ZBTB41: variants seen among roughly 807,000 people sequenced by gnomAD.
ZBTB41 encodes zinc finger and BTB domain-containing protein 41.
A neutral mutation model predicts 87.6 loss-of-function variants in ZBTB41; 42 were observed. The ratio of observed to expected loss-of-function variants is 0.48; its 90% CI spans 0.37 to 0.62. ZBTB41 has a LOEUF of 0.62. Ranked by LOEUF, ZBTB41 falls within the 20% of genes least tolerant of loss-of-function variation. The pLI, the probability that ZBTB41 is intolerant of heterozygous loss-of-function variation, is 0.00. For missense variants in ZBTB41, 799 were observed against 1,078.9 expected, an observed-to-expected ratio of 0.74 and a Z score of 3.63; for synonymous variants, 364 against 364.0, an observed-to-expected ratio of 1.00 and a Z score of 0.00.
At position 197,185,176 on chromosome 1, in the gene ZBTB41, C is replaced by G. The variant is rs990396601; in HGVS notation, c.1546+3116G>C. On this transcript the variant is annotated intron_variant, in intron 5 of 10. Transcript: ENST00000367405. The stretch of plus-strand genomic sequence containing the variant: ...TTGTTTTGACCTATTGTACAGCATA[C>G]AGATTTTTTAAATATGTTTATTTTC... Among the ~76,000 whole-genome samples the G allele has an allele frequency of 3.3e-5, 5 of 152,254 alleles. No homozygotes were observed. In the East Asian group the frequency reaches 9.6e-4, roughly 29 times the overall value.
At position 197,155,283 on chromosome 1, in the gene ZBTB41, A is replaced by C. The variant is rs1215053588; in HGVS notation, c.*4076T>G. The stretch of plus-strand genomic sequence containing the variant: ...AATATTCACACTAACACTTAGTGCC[A>C]ATTTGCCTATATAAACATAAAGCAA... On this transcript the variant is annotated 3_prime_UTR_variant, in exon 11 of 11. Transcript: ENST00000367405. 1 of 152,264 alleles carries C rather than the reference A, an allele frequency of 6.6e-6. No individual in the cohort carries two copies. Among genetic ancestry groups the C allele is most frequent in the Non-Finnish European group, 1.5e-5 (1 of 67,834 alleles). 9.4% of individuals were successfully genotyped at this position (152,264 alleles called of 1,614,324 possible). A position where few individuals can be genotyped will look rare whatever the true frequency, so the allele number is the denominator to read the frequency against.
rs1177483219 is a variant in ZBTB41, at chr1:197,199,803, T to C, written c.671A>G (p.Asn224Ser). ...GGACCTATGGGTTTTAGCCAAATGA[T>C]TCTCTAAAGACTTTTTATAACAAAA... ...RHFCYKKSLE[N>S]HLAKTHRSLL... Residue 224 changes from asparagine to serine, a missense_variant, in exon 2 of 11, where the codon AAT (asparagine) becomes AGT (serine). Physicochemically the swap from Asn to Ser is conservative, Grantham distance 46. Transcript: ENST00000367405. 1 of 1,612,236 alleles carries C rather than the reference T, an allele frequency of 6.2e-7. No individual in the cohort carries two copies. The highest frequency in any genetic ancestry group is 8.5e-7 in the Non-Finnish European group (1 of 1,179,378).
intron 5 of ZBTB41, among the ~76,000 whole-genome samples, chr1:197,186,805 A>C (rs1306133795): frequency 6.6e-6 from 1 of 152,188 alleles, no homozygotes; most frequent in African/African-American, 2.4e-5. Context: ...TGGAGGTTGC[A>C]GTAAGCCAAG....
In ZBTB41 at chr1:197,197,228, G is replaced by C. The variant is rs185362260; in HGVS notation, c.1120+2126C>G. On this transcript the variant is annotated intron_variant, in intron 2 of 10. Coordinates refer to ENST00000367405, the MANE Select transcript of ZBTB41 (RefSeq NM_194314.3). ...TTATGAGGAAACAAAAACACAGACA[G>C]GTTAAGTAACTCACCCAAGAACAGG... Among the ~76,000 whole-genome samples the C allele has an allele frequency of 3.3e-5, 5 of 151,972 alleles. No individual in the cohort carries two copies. In the East Asian group the frequency reaches 9.7e-4, roughly 30 times the overall value.
At chr1:197,199,308 A>G in intron 2 of ZBTB41, 46 bp downstream of exon 2, 1 of 1,448,898 alleles carries the variant, frequency 6.9e-7, no homozygotes, top group Non-Finnish European at 9.1e-7. Flanking sequence ...AAAATATCCA[A>G]GAAAAGTAAG....
chr1:197,170,083 T>G (rs1469094120), intron 10 of ZBTB41, among the ~76,000 whole-genome samples: 1 of 151,954 alleles, frequency 6.6e-6, no homozygotes, highest in Non-Finnish European at 1.5e-5. Flanking sequence ...TTTGAAGCAA[T>G]TAGGTGTACT....
intron 10 of ZBTB41, among the ~76,000 whole-genome samples, chr1:197,170,839 C>A (rs1659461378): frequency 6.6e-6 from 1 of 152,158 alleles, no homozygotes; most frequent in Admixed American, 6.6e-5. Context: ...TACTATCTAG[C>A]CCTCAACAAG....
At chr1:197,197,436 T>C (rs16841212) in intron 2 of ZBTB41, among the ~76,000 whole-genome samples, 11,829 of 151,560 alleles carry the variant, frequency 0.078, 1,533 homozygotes, top group African/African-American at 0.27. Flanking sequence ...AGTGACATAA[T>C]GTAAAATACA....
intron 10 of ZBTB41, among the ~76,000 whole-genome samples, chr1:197,169,573 G>C (rs1416683287): frequency 6.6e-6 from 1 of 151,988 alleles, no homozygotes; most frequent in Admixed American, 6.6e-5. Context: ...ACTGGGAGGA[G>C]CCATAGAGAA....
chr1:197,180,636 T>C (rs954217642), intron 6 of ZBTB41, among the ~76,000 whole-genome samples: 2 of 152,140 alleles, frequency 1.3e-5, no homozygotes, highest in African/African-American at 2.4e-5. Flanking sequence ...TTTGCCTTGA[T>C]CCATCTGTTT....
chr1:197,199,706 A>G lies in ZBTB41; in HGVS notation c.768T>C (p.Asn256=). The G allele has an allele frequency of 1.2e-6, 2 of 1,613,530 alleles. No homozygotes were observed. Among genetic ancestry groups the G allele is most frequent in the Non-Finnish European group, 1.7e-6 (2 of 1,179,900 alleles). The change falls in exon 2 of 11, where the codon AAT becomes AAC. Residue 256 remains asparagine (N), a synonymous_variant. Transcript: ENST00000367405. ...RSFSARRSKR[N]RKCPVKFDDT... ...CATCAAACTTAACAGGGCACTTCCG[A>G]TTCCTTTTTGATCTTCTTGCGGAGA...
intron 10 of ZBTB41, among the ~76,000 whole-genome samples, chr1:197,169,126 G>A (rs1659417601): frequency 1.3e-5 from 2 of 152,002 alleles, no homozygotes; most frequent in South Asian, 4.1e-4. Flanking sequence ...TGTGGCTGCT[G>A]GTGGTGTAAA....
intron 5 of ZBTB41, among the ~76,000 whole-genome samples, chr1:197,186,271 C>A (rs1418148760): frequency 2.3e-5 from 3 of 128,164 alleles, no homozygotes; most frequent in Non-Finnish European, 5.1e-5. Context: ...AAATGGATAT[C>A]CACAGACAAA....
intron 8 of ZBTB41, 79 bp downstream of exon 8, chr1:197,176,485 C>T: frequency 1.0e-6 from 1 of 987,146 alleles, no homozygotes. Context: ...TTATAGCCAA[C>T]ATAAACATAA....
chr1:197,159,244 T>C lies in ZBTB41; in HGVS notation c.*115A>G, dbSNP rs1223227148. ...TAGTTTTCTTGATTTGAAACTGTTC[T>C]GAGGACTTGAGAAACTAGAGAAAAC... On this transcript the variant is annotated 3_prime_UTR_variant, in exon 11 of 11. Coordinates refer to ENST00000367405, the MANE Select transcript of ZBTB41 (RefSeq NM_194314.3). 21 of 1,008,100 alleles carry C rather than the reference T, an allele frequency of 2.1e-5. No homozygotes were observed. Among genetic ancestry groups the C allele is most frequent in the Non-Finnish European group, 2.9e-5 (20 of 684,748 alleles). 62.4% of individuals were successfully genotyped at this position (1,008,100 alleles called of 1,614,324 possible).
At chr1:197,185,821 C>T (rs1659868554) in intron 5 of ZBTB41, among the ~76,000 whole-genome samples, 3 of 151,840 alleles carry the variant, frequency 2.0e-5, no homozygotes, top group South Asian at 2.1e-4. Flanking sequence ...CTACAAAACT[C>T]GGATGAAAGA....
chr1:197,168,572 AAAAAAG>A (rs2125126042), intron 10 of ZBTB41, among the ~76,000 whole-genome samples: 3 of 152,216 alleles, frequency 2.0e-5, no homozygotes, highest in African/African-American at 7.2e-5. Context: ...CCATATGTTA[AAAAAAG>A]AACTTTCACC....
Position 197,155,088 on chromosome 1 carries a change from G to A in ZBTB41, c.*4271C>T, listed in dbSNP as rs1206407545. The A allele has an allele frequency of 6.6e-6, 1 of 152,224 alleles. No individual in the cohort carries two copies. Among genetic ancestry groups the A allele is most frequent in the Non-Finnish European group, 1.5e-5 (1 of 67,832 alleles). The allele number at this position is 152,224 out of a possible 1,614,324, so 9.4% of individuals were successfully genotyped here. On this transcript the variant is annotated 3_prime_UTR_variant, in exon 11 of 11. Coordinates refer to ENST00000367405, the MANE Select transcript of ZBTB41 (RefSeq NM_194314.3). ...CAGGGCTGTGTAGTTATGGTTACTGGTTATTTAAAAGACAGAGAAACAGAG... is the reference window on the plus strand; with the variant it reads ...CAGGGCTGTGTAGTTATGGTTACTGATTATTTAAAAGACAGAGAAACAGAG...
Position 197,200,422 on chromosome 1 carries a change from A to G in ZBTB41, c.52T>C (p.Tyr18His), listed in dbSNP as rs1424033663. 1 of 1,608,268 alleles carries G rather than the reference A, an allele frequency of 6.2e-7. No homozygotes were observed. Among genetic ancestry groups the G allele is most frequent in the East Asian group, 2.2e-5 (1 of 44,876 alleles). ...TSNLEKIHLG[Y>H]HKDSSEGNVA... ...TTTCCTTCTGAAGAATCTTTATGAT[A>G]GCCTAGATGGATCTTCTCAAGATTT... Residue 18 changes from tyrosine to histidine, a missense_variant, in exon 2 of 11, where the codon TAT becomes CAT. Tyr to His is a moderately conservative substitution (Grantham distance 83). Around this residue, in one of 5 missense-constraint regions of ZBTB41, gnomAD observed 77 missense variants for 68.4 expected, o/e 1.13. Transcript: ENST00000367405.
Sources: gnomAD v4.1 joint callset for allele counts (sites outside exome capture counted in the v4.1 genomes callset) on GRCh38, gnomAD v4.1.1 for gene constraint, gnomAD v4.1.1 regional missense constraint, MANE v1.5 for transcripts, NCBI Gene and HGNC (gene_info 2026-07-23, HGNC 2026-07-21) for gene names.